The following ARHGAP26 variants were observed in gnomAD, a reference collection of about 807,000 sequenced individuals.
ARHGAP26 encodes the protein Rho GTPase activating protein 26, also known as rho GTPase-activating protein 26.
In ARHGAP26, 38 loss-of-function variants were observed where a neutral mutation model predicts 104.8. The ratio of observed to expected loss-of-function variants is 0.36; its 90% CI spans 0.28 to 0.48. The LOEUF (loss-of-function observed/expected upper bound fraction) is 0.48. Among genes scored for constraint, ARHGAP26 ranks in the 20% least tolerant of loss-of-function variants. The pLI, the probability that ARHGAP26 is intolerant of heterozygous loss-of-function variation, is 0.99. For synonymous variants in ARHGAP26, 341 were observed against 340.0 expected (o/e 1.00, Z -0.03); for missense variants, 704 against 947.9 (o/e 0.74, Z 3.38).
chr5:143,011,044 C>T (rs889221925), intron 11 of ARHGAP26: 5 of 152,308 alleles, frequency 3.3e-5, no homozygotes, highest in African/African-American at 1.2e-4. Flanking sequence ...ACTCACAGGT[C>T]ACAAGGCTCT....
chr5:142,837,600 G>T (rs1769847113), intron 1 of ARHGAP26, among the ~76,000 whole-genome samples: 1 of 152,214 alleles, frequency 6.6e-6, no homozygotes, highest in Non-Finnish European at 1.5e-5. Flanking sequence ...ACTTTGTGCA[G>T]CTGCGGAGCT....
rs1475511783 is a variant in ARHGAP26 at position 143,035,897 on chromosome 5, C to A, written c.1145-1299C>A. ...GTTGCAGTGAGCCAAGATCATGCCACTGCACTCCAGCTTGAGCGACAGAGT... is the reference window on the plus strand; with the variant it reads ...GTTGCAGTGAGCCAAGATCATGCCAATGCACTCCAGCTTGAGCGACAGAGT... On this transcript the variant is annotated intron_variant, in intron 12 of 22. Transcript: ENST00000645722. Among the ~76,000 whole-genome samples, 7 of 139,228 alleles carry A rather than the reference C, an allele frequency of 5.0e-5. No individual in the cohort carries two copies. The South Asian group carries it at 1.4e-3, about 28-fold the overall frequency. The allele number at this position is 139,228 out of a possible 152,430, so 91.3% of individuals were successfully genotyped here.
Position 143,088,252 on chromosome 5 carries a change from A to T in ARHGAP26, c.1538+30505A>T, listed in dbSNP as rs888028764. Among the ~76,000 whole-genome samples the T allele has an allele frequency of 2.0e-5, 3 of 152,196 alleles. No homozygotes were observed. In the East Asian group the frequency reaches 5.8e-4, roughly 29 times the overall value. ...CTGATTAATGTTCATCATTTACACT[A>T]AACTGTAAGCCCTATGTGTGCAGTG... On this transcript the variant is annotated intron_variant, in intron 17 of 22. Coordinates refer to ENST00000645722, the MANE Select transcript of ARHGAP26 (RefSeq NM_001135608.3).
intron 1 of ARHGAP26, among the ~76,000 whole-genome samples, chr5:142,854,877 GT>G (rs1198096738): frequency 6.6e-6 from 1 of 152,176 alleles, no homozygotes; most frequent in African/African-American, 2.4e-5. Context: ...ATTGCAAACT[GT>G]TTCTCTACTC....
chr5:142,928,606 C>T (rs796150006), intron 10 of ARHGAP26, among the ~76,000 whole-genome samples: 21 of 152,268 alleles, frequency 1.4e-4, no homozygotes, highest in African/African-American at 4.6e-4. Context: ...GTTGGAATGC[C>T]TGTGTTCACA....
intron 20 of ARHGAP26, among the ~76,000 whole-genome samples, chr5:143,161,380 G>T (rs1279187397): frequency 6.6e-6 from 1 of 152,106 alleles, no homozygotes; most frequent in Non-Finnish European, 1.5e-5. Flanking sequence ...ACATTGAGCA[G>T]CTACTCATGA....
chr5:143,152,410 T>TC (rs1218655704), intron 20 of ARHGAP26, among the ~76,000 whole-genome samples: 2 of 152,234 alleles, frequency 1.3e-5, no homozygotes, highest in Non-Finnish European at 2.9e-5. Flanking sequence ...TTAACACATC[T>TC]TTTTAAATCC....
chr5:143,025,170 G>A (rs1288039938), intron 12 of ARHGAP26, among the ~76,000 whole-genome samples: 2 of 152,012 alleles, frequency 1.3e-5, no homozygotes, highest in African/African-American at 2.4e-5. Flanking sequence ...AAGTTCCTCC[G>A]GGCATTGCCT....
intron 11 of ARHGAP26, among the ~76,000 whole-genome samples, chr5:142,991,210 G>T (rs986598369): frequency 2.6e-5 from 4 of 152,240 alleles, no homozygotes; most frequent in African/African-American, 7.2e-5. Context: ...TTCGATCTCA[G>T]ACTGCTGTGC....
chr5:142,911,709 C>G (rs573415134), intron 9 of ARHGAP26, among the ~76,000 whole-genome samples: 2 of 152,300 alleles, frequency 1.3e-5, no homozygotes, highest in African/African-American at 4.8e-5. Flanking sequence ...TCCCTATTCC[C>G]TCCCATTTCT....
In ARHGAP26 at chr5:143,222,761, C is replaced by T. The variant is rs761213417; in HGVS notation, c.*315C>T. On this transcript the variant is annotated 3_prime_UTR_variant, in exon 23 of 23. Coordinates refer to ENST00000645722, the MANE Select transcript of ARHGAP26 (RefSeq NM_001135608.3). ...ACTCATTTTGTTTCAACGGTCCAAA[C>T]GCCCAACCTTCAGAAAGAGGAAGTC... 2.7e-5 allele frequency: 7 copies of T among 262,630 alleles called. No homozygotes were observed. The highest frequency in any genetic ancestry group is 3.3e-4 in the South Asian group (2 of 6,062). 16.3% of individuals were successfully genotyped at this position (262,630 alleles called of 1,614,324 possible). A position where few individuals can be genotyped will look rare whatever the true frequency, so the allele number is the denominator to read the frequency against.
chr5:142,899,596 G>A (rs1400468230), intron 6 of ARHGAP26, among the ~76,000 whole-genome samples: 1 of 152,124 alleles, frequency 6.6e-6, no homozygotes, highest in East Asian at 1.9e-4. Context: ...TTGGGTAGAA[G>A]CATTTCTTTG....
At chr5:142,850,829 T>C (rs1751370161) in intron 1 of ARHGAP26, among the ~76,000 whole-genome samples, 2 of 152,250 alleles carry the variant, frequency 1.3e-5, no homozygotes, top group Admixed American at 6.5e-5. Flanking sequence ...ATTAGCTGGA[T>C]AGCCAATGGA....
chr5:142,793,510 T>C (rs1561850371), intron 1 of ARHGAP26, among the ~76,000 whole-genome samples: 1 of 151,918 alleles, frequency 6.6e-6, no homozygotes, highest in Non-Finnish European at 1.5e-5. Context: ...GGACATGGAG[T>C]ATTGGTGAGG....
intron 20 of ARHGAP26, among the ~76,000 whole-genome samples, chr5:143,206,764 G>GA (rs554405054): frequency 1.3e-5 from 2 of 151,918 alleles, no homozygotes; most frequent in African/African-American, 4.8e-5. Flanking sequence ...TGGCCCAGAA[G>GA]AAAAAAAACA....
At chr5:143,211,092 C>G (rs942451968) in intron 21 of ARHGAP26, among the ~76,000 whole-genome samples, 3 of 152,178 alleles carry the variant, frequency 2.0e-5, no homozygotes, top group Admixed American at 2.0e-4. Context: ...CTACCTAAAG[C>G]AAACTGCTTA....
chr5:142,912,391 G>A (rs76047082), intron 9 of ARHGAP26, among the ~76,000 whole-genome samples: 2,324 of 152,300 alleles, frequency 0.015, 67 homozygotes, highest in African/African-American at 0.053. Flanking sequence ...CAGATTCAGC[G>A]ATTGCTTGGG....
intron 11 of ARHGAP26, chr5:142,969,428 G>C (rs1355975538): frequency 6.6e-6 from 1 of 152,158 alleles, no homozygotes; most frequent in African/African-American, 2.4e-5. Context: ...GGCTGCCGTT[G>C]ATCAGTCCCA....
rs1242697179 is a variant in ARHGAP26 at position 143,218,913 on chromosome 5, T to C, written c.2192-3445T>C. Among the ~76,000 whole-genome samples, 3 of 152,354 alleles carry C rather than the reference T, an allele frequency of 2.0e-5. No homozygotes were observed. In the East Asian group the frequency reaches 5.8e-4, roughly 29 times the overall value. ...TCATTGTCTACCAGCTATTAATATT[T>C]AATTTTGGCCAAGATGCTTAACTTT... On this transcript the variant is annotated intron_variant, in intron 22 of 22. Coordinates refer to ENST00000645722, the MANE Select transcript of ARHGAP26 (RefSeq NM_001135608.3).
Sources: allele counts gnomAD v4.1 joint callset (sites outside exome capture counted in the v4.1 genomes callset), GRCh38; gene constraint gnomAD v4.1.1; transcripts MANE v1.5; gene names NCBI Gene and HGNC (gene_info 2026-07-23, HGNC 2026-07-21).